DGKB: variants seen among roughly 807,000 people sequenced by gnomAD.
The protein encoded by DGKB is diacylglycerol kinase beta, also known as 90 kDa diacylglycerol kinase.
A neutral mutation model predicts 114.3 loss-of-function variants in DGKB; 67 were observed. The ratio of observed to expected loss-of-function variants is 0.59; its 90% CI spans 0.48 to 0.72. DGKB has a LOEUF of 0.72. Ranked by LOEUF, DGKB falls within the 30% of genes least tolerant of loss-of-function variation. The pLI is 0.00. For synonymous variants in DGKB, 398 were observed against 323.1 expected, an observed-to-expected ratio of 1.23 and a Z score of -2.49; for missense variants, 907 against 975.2, an observed-to-expected ratio of 0.93 and a Z score of 0.93.
intron 23 of DGKB, among the ~76,000 whole-genome samples, chr7:14,179,065 A>G (rs767749221): frequency 1.3e-5 from 2 of 152,238 alleles, no homozygotes; most frequent in African/African-American, 4.8e-5. Context: ...GCACTATGCT[A>G]CATTTGATAA....
chr7:14,164,021 AAAC>A (rs1231701604), intron 25 of DGKB, among the ~76,000 whole-genome samples: 1 of 151,976 alleles, frequency 6.6e-6, no homozygotes, highest in African/African-American at 2.4e-5. Context: ...ACAAAAAAAA[AAAC>A]AAAATAAAAA....
At chr7:14,607,370 G>T in intron 17 of DGKB, 64 bp downstream of exon 17, 1 of 821,428 alleles carries the variant, frequency 1.2e-6, no homozygotes, top group Non-Finnish European at 2.1e-6. Flanking sequence ...ACATATGTCA[G>T]GCAGCTTATT....
chr7:14,668,051 T>C (rs1818343110), intron 13 of DGKB, among the ~76,000 whole-genome samples: 1 of 152,026 alleles, frequency 6.6e-6, no homozygotes, highest in East Asian at 1.9e-4. Flanking sequence ...TGTAATAGAG[T>C]GTTTGGGATT....
intron 1 of DGKB, among the ~76,000 whole-genome samples, chr7:14,875,811 T>G (rs545548065): frequency 1.7e-4 from 24 of 145,118 alleles, no homozygotes; most frequent in Non-Finnish European, 3.2e-4. Context: ...CATTATGAGG[T>G]TTTTTTTTTG....
intron 21 of DGKB, among the ~76,000 whole-genome samples, chr7:14,471,706 C>A (rs1275203832): frequency 1.3e-5 from 2 of 151,752 alleles, no homozygotes; most frequent in Non-Finnish European, 2.9e-5. Flanking sequence ...AAGACTCACT[C>A]TACATATCAC....
At chr7:14,265,315 A>ATTTTTTTTTTTTTTTTT (rs1178230744) in intron 23 of DGKB, among the ~76,000 whole-genome samples, 8 of 40,506 alleles carry the variant, frequency 2.0e-4, no homozygotes, top group African/African-American at 7.4e-4. Flanking sequence ...TTTCTCTTGC[A>ATTTTTTTTTTTTTTTTT]TTCTTTTTTT....
chr7:14,906,465 T>C (rs1587355575), upstream of DGKB, among the ~76,000 whole-genome samples: 2 of 107,688 alleles, frequency 1.9e-5, no homozygotes, highest in Admixed American at 1.9e-4. Context: ...TTTTTTTTTT[T>C]TTTTTTGAGA....
intron 4 of DGKB, among the ~76,000 whole-genome samples, chr7:14,739,734 A>C (rs1038479261): frequency 1.4e-4 from 21 of 152,178 alleles, no homozygotes; most frequent in African/African-American, 4.8e-4. Flanking sequence ...AGGCAGAGGA[A>C]ACTGCACCCC....
intron 1 of DGKB, among the ~76,000 whole-genome samples, chr7:14,887,718 CTGACT>C (rs1780534657): frequency 6.6e-6 from 1 of 151,704 alleles, no homozygotes; most frequent in Non-Finnish European, 1.5e-5. Context: ...TCCTCTTGCC[CTGACT>C]TATTTTCTTC....
intron 9 of DGKB, among the ~76,000 whole-genome samples, chr7:14,690,985 G>T (rs1201567316): frequency 6.6e-6 from 1 of 152,090 alleles, no homozygotes; most frequent in Non-Finnish European, 1.5e-5. Flanking sequence ...CTTGTATTTT[G>T]TAAAGTTTGT....
intron 1 of DGKB, among the ~76,000 whole-genome samples, chr7:14,955,991 T>A (rs1562902163): frequency 6.6e-6 from 1 of 151,994 alleles, no homozygotes; most frequent in East Asian, 1.9e-4. Flanking sequence ...GAGTAGCACC[T>A]GTCATGGAGT....
intron 20 of DGKB, among the ~76,000 whole-genome samples, chr7:14,536,181 C>A (rs1042585461): frequency 6.6e-6 from 1 of 151,966 alleles, no homozygotes. Context: ...TAAAGAAAAT[C>A]TCAGGACCAG....
At chr7:14,316,055 G>A (rs1806434564) in intron 23 of DGKB, among the ~76,000 whole-genome samples, 1 of 150,648 alleles carries the variant, frequency 6.6e-6, no homozygotes, top group African/African-American at 2.5e-5. Context: ...ACGAAATGAA[G>A]GCAGAAATAA....
intron 20 of DGKB, among the ~76,000 whole-genome samples, chr7:14,546,138 A>T (rs908708618): frequency 5.3e-5 from 8 of 152,328 alleles, no homozygotes; most frequent in African/African-American, 1.4e-4. Flanking sequence ...AATATTATTT[A>T]TTATGATACT....
At chr7:14,903,174 G>C (rs981158969), upstream of DGKB, 1 of 151,780 alleles carries the variant, frequency 6.6e-6, no homozygotes, top group African/African-American at 2.4e-5. Context: ...CTTAGTCCTT[G>C]ATTTATGTCA....
chr7:14,835,126 A>C (rs1446256248), intron 2 of DGKB, among the ~76,000 whole-genome samples: 1 of 152,176 alleles, frequency 6.6e-6, no homozygotes, highest in African/African-American at 2.4e-5. Flanking sequence ...TGTGAATCAG[A>C]AGAAAGAGTC....
At chr7:14,870,540 G>A (rs1212825679) in intron 1 of DGKB, among the ~76,000 whole-genome samples, 1 of 152,142 alleles carries the variant, frequency 6.6e-6, no homozygotes, top group Non-Finnish European at 1.5e-5. Context: ...GCTCATGCCT[G>A]TAATCCCAGC....
intron 1 of DGKB, among the ~76,000 whole-genome samples, chr7:14,893,985 A>G (rs1473345507): frequency 2.0e-5 from 3 of 151,138 alleles, no homozygotes; most frequent in African/African-American, 7.3e-5. Context: ...ACTCTGATGT[A>G]TGGTAGGTGC....
chr7:14,513,778 A>C (rs2128548417), intron 20 of DGKB, among the ~76,000 whole-genome samples: 1 of 152,172 alleles, frequency 6.6e-6, no homozygotes, highest in Non-Finnish European at 1.5e-5. Flanking sequence ...GTTTAGTTAA[A>C]GCAGAAAGTT....
Sources: allele counts gnomAD v4.1 joint callset (sites outside exome capture counted in the v4.1 genomes callset), GRCh38; gene constraint gnomAD v4.1.1; transcripts MANE v1.5; gene names NCBI Gene and HGNC (gene_info 2026-07-23, HGNC 2026-07-21).